Variants in GABRG2 observed in about 807,000 individuals in gnomAD.
GABRG2 encodes the protein gamma-aminobutyric acid receptor subunit gamma-2.
GABRG2 carries 16 observed loss-of-function variants against 56.4 expected under a neutral mutation model. That is an observed-to-expected ratio of 0.28 (90% CI 0.19 to 0.43). The LOEUF (loss-of-function observed/expected upper bound fraction) is 0.43, where lower values mean the gene tolerates loss of function less well. GABRG2 is among the 20% of genes least tolerant of loss of function. GABRG2 has a pLI of 1.00. For synonymous variants in GABRG2, 208 were observed against 205.5 expected (o/e 1.01, Z -0.10); for missense variants, 327 against 582.7 (o/e 0.56, Z 4.52).
At chr5:162,072,678 T>A (rs1261783556) in intron 1 of GABRG2, among the ~76,000 whole-genome samples, 1 of 151,946 alleles carries the variant, frequency 6.6e-6, no homozygotes, top group Admixed American at 6.6e-5. Context: ...ACATACACAC[T>A]GAATCAAATA....
chr5:162,150,778 C>T (rs1054912729), intron 8 of GABRG2: 35 of 152,154 alleles, frequency 2.3e-4, no homozygotes, highest in African/African-American at 8.4e-4. Context: ...GAATGTAAGA[C>T]TTTGGAACAT....
At chr5:162,105,430 A>ATTTTTTTTTTT (rs1319420213) in intron 6 of GABRG2, among the ~76,000 whole-genome samples, 1 of 44,008 alleles carries the variant, frequency 2.3e-5, no homozygotes. Context: ...TAGTAGAACA[A>ATTTTTTTTTTT]TCTTTTTTTT....
In GABRG2 at chr5:162,067,848, A is replaced by T; in HGVS notation, c.-152A>T. 1 of 667,830 alleles carries T rather than the reference A, an allele frequency of 1.5e-6. No homozygotes were observed. Among genetic ancestry groups the T allele is most frequent in the Non-Finnish European group, 2.7e-6 (1 of 374,730 alleles). 41.4% of individuals were successfully genotyped at this position (667,830 alleles called of 1,614,324 possible). On this transcript the variant is annotated 5_prime_UTR_variant, in exon 1 of 10. Coordinates refer to ENST00000639213, the MANE Select transcript of GABRG2 (RefSeq NM_198904.4). ...TCTGCCCCCTGAATATTAATTCCCT[A>T]ATCTGGTAGCAATCCATCTCCCCAG...
chr5:162,129,149 C>T (rs1763542593), intron 6 of GABRG2: 1 of 151,824 alleles, frequency 6.6e-6, no homozygotes, highest in African/African-American at 2.4e-5. Context: ...GAACAATAGC[C>T]AAACTGGCAT....
chr5:162,151,354 G>T (rs752991615), intron 8 of GABRG2: 3 of 171,024 alleles, frequency 1.8e-5, no homozygotes, highest in Non-Finnish European at 3.7e-5. Flanking sequence ...ATGCCTTTTG[G>T]ATAATTGTGT....
At chr5:162,090,309 C>A (rs929893622) in intron 1 of GABRG2, among the ~76,000 whole-genome samples, 3 of 141,272 alleles carry the variant, frequency 2.1e-5, no homozygotes, top group Non-Finnish European at 4.7e-5. Flanking sequence ...TAGACATACA[C>A]ATACACATAC....
Position 162,093,960 on chromosome 5 carries a change from A to G in GABRG2, c.240A>G (p.Lys80=). The G allele has an allele frequency of 1.2e-6, 2 of 1,613,290 alleles. No individual in the cohort carries two copies. Among genetic ancestry groups the G allele is most frequent in the Non-Finnish European group, 1.7e-6 (2 of 1,179,470 alleles). The change falls in exon 2 of 10, where the codon AAA becomes AAG. Residue 80 remains lysine, a synonymous_variant. Coordinates refer to ENST00000639213, the MANE Select transcript of GABRG2 (RefSeq NM_198904.4). ...ACCTGCTGGAAGGATATGACAATAA[A>G]CTTCGGCCTGATATAGGAGGTTTGT... ...LNNLLEGYDN[K]LRPDIGVKPT...
chr5:162,123,122 A>G (rs769394132), intron 6 of GABRG2, among the ~76,000 whole-genome samples: 8 of 151,780 alleles, frequency 5.3e-5, no homozygotes, highest in Non-Finnish European at 8.9e-5. Flanking sequence ...TAATTAAAAG[A>G]TGACTAAATG....
chr5:162,135,562 T>C (rs1764062455), intron 6 of GABRG2, among the ~76,000 whole-genome samples: 2 of 152,206 alleles, frequency 1.3e-5, no homozygotes, highest in South Asian at 4.1e-4. Context: ...AAAATAATTA[T>C]AATCTAGAGT....
intron 7 of GABRG2, among the ~76,000 whole-genome samples, chr5:162,146,217 A>G (rs1333323772): frequency 6.6e-6 from 1 of 152,034 alleles, no homozygotes; most frequent in Non-Finnish European, 1.5e-5. Context: ...TTCATGCCAC[A>G]TATTTTTCAT....
chr5:162,082,899 T>C (rs1480434669), intron 1 of GABRG2, among the ~76,000 whole-genome samples: 1 of 151,686 alleles, frequency 6.6e-6, no homozygotes, highest in Non-Finnish European at 1.5e-5. Context: ...AAAGAGTCGA[T>C]GAAAACTTAG....
At chr5:162,078,154 A>G (rs1407038898) in intron 1 of GABRG2, among the ~76,000 whole-genome samples, 1 of 151,836 alleles carries the variant, frequency 6.6e-6, no homozygotes, top group African/African-American at 2.4e-5. Context: ...GCTTATAAAC[A>G]ACAGAAATGT....
intron 6 of GABRG2, among the ~76,000 whole-genome samples, chr5:162,125,600 C>CA (rs1763286866): frequency 6.6e-6 from 1 of 151,814 alleles, no homozygotes; most frequent in Non-Finnish European, 1.5e-5. Flanking sequence ...GGCAAGAAGA[C>CA]ACGTCAGTTG....
chr5:162,093,878 A>C lies in GABRG2; in HGVS notation c.158A>C (p.Lys53Thr). Residue 53 changes from lysine to threonine, a missense_variant, in exon 2 of 10, where the codon AAA becomes ACA. Physicochemically the swap from Lys to Thr is moderately conservative, Grantham distance 78 (BLOSUM62 -1). Coordinates refer to ENST00000639213, the MANE Select transcript of GABRG2 (RefSeq NM_198904.4). ...GACTATGAAGATTATGCTTCTAACAAAACATGGGTCTTGACTCCAAAAGTT... is the reference window on the plus strand; with the variant it reads ...GACTATGAAGATTATGCTTCTAACACAACATGGGTCTTGACTCCAAAAGTT... ...DDDYEDYASN[K>T]TWVLTPKVPE... 3 of 1,613,288 alleles carry C rather than the reference A, an allele frequency of 1.9e-6. No homozygotes were observed. The highest frequency in any genetic ancestry group is 2.5e-6 in the Non-Finnish European group (3 of 1,179,494).
At chr5:162,076,660 C>T (rs1759134662) in intron 1 of GABRG2, among the ~76,000 whole-genome samples, 1 of 152,116 alleles carries the variant, frequency 6.6e-6, no homozygotes, top group Non-Finnish European at 1.5e-5. Flanking sequence ...ATTTATTCAA[C>T]TCATTATTCA....
chr5:162,123,715 G>A (rs182594045), intron 6 of GABRG2, among the ~76,000 whole-genome samples: 48 of 151,928 alleles, frequency 3.2e-4, no homozygotes, highest in Non-Finnish European at 5.6e-4. Flanking sequence ...GTAGCTATGA[G>A]GACTTGTGTT....
chr5:162,118,929 C>T (rs986761533), intron 6 of GABRG2, among the ~76,000 whole-genome samples: 5 of 151,974 alleles, frequency 3.3e-5, no homozygotes, highest in Admixed American at 2.0e-4. Flanking sequence ...AGAGGAAGGT[C>T]GTATTGGGAT....
intron 7 of GABRG2, among the ~76,000 whole-genome samples, chr5:162,148,365 G>A (rs1765114624): frequency 6.6e-6 from 1 of 152,092 alleles, no homozygotes; most frequent in Non-Finnish European, 1.5e-5. Context: ...ACTGCCCTTG[G>A]CAGAAGGAAG....
intron 6 of GABRG2, among the ~76,000 whole-genome samples, chr5:162,109,558 T>G (rs972276057): frequency 6.6e-6 from 1 of 151,528 alleles, no homozygotes; most frequent in South Asian, 2.1e-4. Context: ...TCTAAGCCAG[T>G]CACCAGACTA....
Sources: allele counts gnomAD v4.1 joint callset (sites outside exome capture counted in the v4.1 genomes callset), GRCh38; gene constraint gnomAD v4.1.1; transcripts MANE v1.5; gene names NCBI Gene and HGNC (gene_info 2026-07-23, HGNC 2026-07-21).